Variants in KCNH1 observed in about 807,000 individuals in gnomAD.
The protein encoded by KCNH1 is potassium voltage-gated channel subfamily H member 1, also known as voltage-gated delayed rectifier potassium channel KCNH1.
A neutral mutation model predicts 69.2 loss-of-function variants in KCNH1; 27 were observed. That is an observed-to-expected ratio of 0.39 (90% confidence interval 0.29 to 0.54). The LOEUF is 0.54. Ranked by LOEUF, KCNH1 falls within the 20% of genes least tolerant of loss-of-function variation. The probability of loss-of-function intolerance (pLI) is 0.68; values close to 1 mark genes in which losing one functional copy is unlikely to be tolerated. For missense variants in KCNH1, 798 were observed against 1,261.6 expected, an observed-to-expected ratio of 0.63 and a Z score of 5.57; for synonymous variants, 456 against 487.7, an observed-to-expected ratio of 0.93 and a Z score of 0.86.
chr1:210,843,805 C>T (rs1273640868), intron 7 of KCNH1, among the ~76,000 whole-genome samples: 1 of 152,174 alleles, frequency 6.6e-6, no homozygotes, highest in Non-Finnish European at 1.5e-5. Flanking sequence ...TTCATCTACT[C>T]TTAGAGCACA....
chr1:211,039,314 G>C (rs1311530131), intron 5 of KCNH1, among the ~76,000 whole-genome samples: 1 of 152,238 alleles, frequency 6.6e-6, no homozygotes, highest in East Asian at 1.9e-4. Flanking sequence ...TGGATGCCTA[G>C]GCAAAGGTTT....
chr1:210,903,387 T>A (rs12750795), intron 7 of KCNH1, among the ~76,000 whole-genome samples: 1 of 152,038 alleles, frequency 6.6e-6, no homozygotes, highest in African/African-American at 2.4e-5. Flanking sequence ...AAGACAGGCA[T>A]TAAATTAGCA....
chr1:210,956,984 T>C (rs1165329258), intron 6 of KCNH1, among the ~76,000 whole-genome samples: 1 of 152,198 alleles, frequency 6.6e-6, no homozygotes, highest in Non-Finnish European at 1.5e-5. Context: ...CTTGCTTCTG[T>C]AGTTCTTTTA....
intron 10 of KCNH1, among the ~76,000 whole-genome samples, chr1:210,701,097 C>T (rs1681764137): frequency 6.6e-6 from 1 of 152,138 alleles, no homozygotes; most frequent in South Asian, 2.1e-4. Context: ...GCCACCACGC[C>T]TGGCTAATTT....
chr1:211,063,829 T>C (rs542284903), intron 5 of KCNH1: 2 of 152,156 alleles, frequency 1.3e-5, no homozygotes, highest in African/African-American at 4.8e-5. Context: ...TCAAAATAAC[T>C]GAAAAATAGA....
chr1:211,081,423 A>T (rs1433937292), intron 5 of KCNH1, among the ~76,000 whole-genome samples: 2 of 152,240 alleles, frequency 1.3e-5, no homozygotes, highest in African/African-American at 4.8e-5. Flanking sequence ...TTCCTCAAGG[A>T]TCTAGAACTA....
chr1:211,129,743 C>A (rs184738659), intron 1 of KCNH1, among the ~76,000 whole-genome samples: 211 of 152,330 alleles, frequency 1.4e-3, no homozygotes, highest in Middle Eastern at 3.4e-3. Flanking sequence ...TGAGGAGACA[C>A]AACATTACTC....
chr1:210,846,032 G>A (rs1247362588), intron 7 of KCNH1, among the ~76,000 whole-genome samples: 1 of 150,462 alleles, frequency 6.6e-6, no homozygotes, highest in African/African-American at 2.5e-5. Flanking sequence ...GGGATGTGAA[G>A]GACCTCTTCA....
chr1:210,812,797 A>G (rs1684734625), intron 7 of KCNH1, among the ~76,000 whole-genome samples: 1 of 152,198 alleles, frequency 6.6e-6, no homozygotes, highest in Non-Finnish European at 1.5e-5. Flanking sequence ...CTCACAAGTT[A>G]AATTTTCTGC....
chr1:210,763,725 A>G (rs1476232455), intron 10 of KCNH1, among the ~76,000 whole-genome samples: 3 of 152,144 alleles, frequency 2.0e-5, no homozygotes, highest in Non-Finnish European at 4.4e-5. Context: ...GACAACACAA[A>G]CAAACAGAAA....
intron 5 of KCNH1, among the ~76,000 whole-genome samples, chr1:211,065,899 A>G (rs575259292): frequency 4.6e-5 from 7 of 152,006 alleles, no homozygotes; most frequent in Non-Finnish European, 1.0e-4. Flanking sequence ...CATCTCTACA[A>G]AAAAATGGAA....
At chr1:211,086,021 T>TTAGA (rs1418804025) in intron 4 of KCNH1, among the ~76,000 whole-genome samples, 1 of 152,168 alleles carries the variant, frequency 6.6e-6, no homozygotes, top group Admixed American at 6.6e-5. Flanking sequence ...CAGGCATATA[T>TTAGA]TAGATCATTG....
chr1:210,831,537 G>T (rs908652135), intron 7 of KCNH1, among the ~76,000 whole-genome samples: 8 of 152,300 alleles, frequency 5.3e-5, no homozygotes, highest in African/African-American at 1.9e-4. Context: ...GCTATGAATA[G>T]ATGCCTCAGT....
intron 6 of KCNH1, among the ~76,000 whole-genome samples, chr1:210,980,778 A>G (rs1688695200): frequency 6.6e-6 from 1 of 152,060 alleles, no homozygotes. Context: ...AGAAGCAACA[A>G]ATAAGAAGCT....
rs181609971 is a variant in KCNH1, at chr1:210,701,963, C to T, written c.2113-17825G>A. ...GCCCCAAAAGCCACTGGAATTCCTGCATTCTTAAAAAATATTTTTTATCTT... is the reference window on the plus strand; with the variant it reads ...GCCCCAAAAGCCACTGGAATTCCTGTATTCTTAAAAAATATTTTTTATCTT... On this transcript the variant is annotated intron_variant, in intron 10 of 10. Transcript: ENST00000271751. Among the ~76,000 whole-genome samples the T allele has an allele frequency of 3.9e-5, 6 of 152,306 alleles. No homozygotes were observed. In the East Asian group the frequency reaches 1.2e-3, roughly 29 times the overall value.
intron 3 of KCNH1, among the ~76,000 whole-genome samples, chr1:211,096,546 C>G (rs1022210223): frequency 6.6e-6 from 1 of 152,132 alleles, no homozygotes; most frequent in Non-Finnish European, 1.5e-5. Flanking sequence ...TCAAATATAA[C>G]AAGGGCAAAA....
Position 210,859,136 on chromosome 1 carries a change from C to A in KCNH1, c.1463-54970G>T. 7 of 1,246,998 alleles carry A rather than the reference C, an allele frequency of 5.6e-6. No individual in the cohort carries two copies. In the Admixed American group the frequency reaches 1.2e-4, roughly 21 times the overall value. 77.2% of individuals were successfully genotyped at this position (1,246,998 alleles called of 1,614,324 possible). The stretch of plus-strand genomic sequence containing the variant: ...ACCACTACTAGGAGGAACACAAGCT[C>A]TTCACTACAATCACACAGTAGGAAA... On this transcript the variant is annotated intron_variant, in intron 7 of 10. Transcript: ENST00000271751.
intron 5 of KCNH1, among the ~76,000 whole-genome samples, chr1:211,073,750 T>C (rs1000992321): frequency 1.3e-5 from 2 of 151,984 alleles, no homozygotes; most frequent in African/African-American, 2.4e-5. Flanking sequence ...TAAATGCATA[T>C]ACTAGAAAAG....
At chr1:211,081,384 C>T (rs956038431) in intron 5 of KCNH1, among the ~76,000 whole-genome samples, 2 of 152,152 alleles carry the variant, frequency 1.3e-5, no homozygotes, top group Admixed American at 6.5e-5. Context: ...TGTAAACTAG[C>T]TCAACCATTG....
Sources: gnomAD v4.1 joint callset for allele counts (sites outside exome capture counted in the v4.1 genomes callset) on GRCh38, gnomAD v4.1.1 for gene constraint, MANE v1.5 for transcripts, NCBI Gene and HGNC (gene_info 2026-07-23, HGNC 2026-07-21) for gene names.